Variants in RBFOX1 observed in about 807,000 individuals in gnomAD.
The protein encoded by RBFOX1 is RNA binding protein fox-1 homolog 1.
In RBFOX1, 8 loss-of-function variants were observed where a neutral mutation model predicts 57.7. The observed-to-expected ratio is 0.14, with a 90% CI of 0.08 to 0.25. The LOEUF (loss-of-function observed/expected upper bound fraction) is 0.25, where lower values mean the gene tolerates loss of function less well. Ranked by LOEUF, RBFOX1 falls within the 10% of genes least tolerant of loss-of-function variation. The probability of loss-of-function intolerance (pLI) is 1.00; values close to 1 mark genes in which losing one functional copy is unlikely to be tolerated. For missense variants in RBFOX1, 611 were observed against 548.5 expected (o/e 1.11, Z -1.14); for synonymous variants, 326 against 222.4 (o/e 1.47, Z -4.15).
intron 4 of RBFOX1, among the ~76,000 whole-genome samples, chr16:7,457,968 C>A (rs2058847750): frequency 6.6e-6 from 1 of 152,144 alleles, no homozygotes; most frequent in African/African-American, 2.4e-5. Flanking sequence ...CATGCTGTTT[C>A]CTGAAAGGCT....
intron 1 of RBFOX1, among the ~76,000 whole-genome samples, chr16:5,407,392 T>G (rs1307181804): frequency 2.0e-5 from 3 of 151,992 alleles, no homozygotes; most frequent in African/African-American, 7.3e-5. Flanking sequence ...ATGGAGGGGC[T>G]GTGTTCTAGG....
intron 3 of RBFOX1, among the ~76,000 whole-genome samples, chr16:6,989,539 C>G (rs1467267154): frequency 6.6e-6 from 1 of 152,064 alleles, no homozygotes; most frequent in African/African-American, 2.4e-5. Context: ...TCAATTTATA[C>G]GTAGTACCAG....
intron 4 of RBFOX1, among the ~76,000 whole-genome samples, chr16:7,076,422 G>A (rs2058311289): frequency 6.6e-6 from 1 of 151,904 alleles, no homozygotes; most frequent in Non-Finnish European, 1.5e-5. Context: ...AGACCAAGAA[G>A]AGTCCCATGC....
intron 5 of RBFOX1, among the ~76,000 whole-genome samples, chr16:7,555,854 T>C (rs977227450): frequency 1.2e-4 from 19 of 152,178 alleles, no homozygotes; most frequent in Admixed American, 1.0e-3. Flanking sequence ...AGTATTTATC[T>C]CATGGTGCCT....
chr16:6,606,493 G>C (rs1334000949), intron 2 of RBFOX1, among the ~76,000 whole-genome samples: 2 of 152,100 alleles, frequency 1.3e-5, no homozygotes, highest in Non-Finnish European at 2.9e-5. Context: ...ATACGCATTA[G>C]CTGTTTATCC....
intron 3 of RBFOX1, among the ~76,000 whole-genome samples, chr16:6,871,598 CCTT>C (rs1374032268): frequency 3.9e-5 from 6 of 152,048 alleles, no homozygotes; most frequent in Admixed American, 6.6e-5. Context: ...TCTCCATTCT[CCTT>C]CTATTCTCCT....
At chr16:6,012,072 C>T (rs911873886) in intron 4 of RBFOX1, among the ~76,000 whole-genome samples, 3 of 152,214 alleles carry the variant, frequency 2.0e-5, no homozygotes, top group Non-Finnish European at 4.4e-5. Flanking sequence ...TGAGAAATTT[C>T]TCGTGGATTC....
chr16:7,659,313 C>G (rs1424613427), intron 12 of RBFOX1, among the ~76,000 whole-genome samples: 1 of 152,218 alleles, frequency 6.6e-6, no homozygotes, highest in Non-Finnish European at 1.5e-5. Context: ...AAGTCTCCAA[C>G]AACAGTCTCT....
chr16:6,087,767 C>T (rs1162491768), intron 1 of RBFOX1, among the ~76,000 whole-genome samples: 1 of 152,024 alleles, frequency 6.6e-6, no homozygotes, highest in African/African-American at 2.4e-5. Flanking sequence ...ATTCTCCTGC[C>T]TCAGCCTCCC....
intron 3 of RBFOX1, among the ~76,000 whole-genome samples, chr16:5,636,267 A>G (rs1345851002): frequency 2.6e-5 from 4 of 152,162 alleles, no homozygotes; most frequent in Non-Finnish European, 5.9e-5. Flanking sequence ...AGAATCATTT[A>G]AACCCGGGAG....
At chr16:5,404,640 C>A (rs947358963) in intron 1 of RBFOX1, among the ~76,000 whole-genome samples, 1 of 152,166 alleles carries the variant, frequency 6.6e-6, no homozygotes, top group African/African-American at 2.4e-5. Flanking sequence ...CATCACAGAG[C>A]CCTGAACCCC....
chr16:5,354,114 C>T (rs551670821), intron 1 of RBFOX1, among the ~76,000 whole-genome samples: 38 of 152,322 alleles, frequency 2.5e-4, no homozygotes, highest in Middle Eastern at 3.4e-3. Context: ...GGATCCCCTC[C>T]TCCATCTGAG....
intron 1 of RBFOX1, among the ~76,000 whole-genome samples, chr16:5,348,028 C>A (rs1338986517): frequency 1.3e-5 from 2 of 149,468 alleles, no homozygotes; most frequent in Non-Finnish European, 3.0e-5. Context: ...CCCACCTACC[C>A]ACCCATCAAC....
intron 4 of RBFOX1, among the ~76,000 whole-genome samples, chr16:7,089,121 T>C (rs1016596416): frequency 2.0e-4 from 31 of 152,342 alleles, no homozygotes; most frequent in African/African-American, 7.0e-4. Flanking sequence ...GTAGCGACTT[T>C]AGCTCCATTT....
intron 3 of RBFOX1, among the ~76,000 whole-genome samples, chr16:5,711,393 T>C (rs925386255): frequency 6.6e-6 from 1 of 152,220 alleles, no homozygotes; most frequent in African/African-American, 2.4e-5. Context: ...ATTTCAGAGT[T>C]CATGTCCTTA....
At chr16:6,963,992 C>G (rs985093070) in intron 3 of RBFOX1, among the ~76,000 whole-genome samples, 1 of 151,372 alleles carries the variant, frequency 6.6e-6, no homozygotes. Flanking sequence ...GCCACTGCGC[C>G]CAGCCCCGGA....
At chr16:7,240,875 T>C (rs1045144656) in intron 4 of RBFOX1, among the ~76,000 whole-genome samples, 4 of 152,196 alleles carry the variant, frequency 2.6e-5, no homozygotes, top group Non-Finnish European at 4.4e-5. Context: ...TGGCAAAATA[T>C]TGTTTTTTGA....
intron 4 of RBFOX1, among the ~76,000 whole-genome samples, chr16:7,216,404 C>G (rs1297132692): frequency 6.6e-6 from 1 of 152,154 alleles, no homozygotes; most frequent in Non-Finnish European, 1.5e-5. Context: ...CCTGTAATCC[C>G]AGCACTTTGG....
chr16:7,221,641 A>T (rs923844353), intron 4 of RBFOX1, among the ~76,000 whole-genome samples: 9 of 152,338 alleles, frequency 5.9e-5, no homozygotes, highest in Admixed American at 1.3e-4. Flanking sequence ...TACTGGGATT[A>T]CAGGCGTGAG....
Sources: gnomAD v4.1 joint callset for allele counts (sites outside exome capture counted in the v4.1 genomes callset) on GRCh38, gnomAD v4.1.1 for gene constraint, MANE v1.5 for transcripts, NCBI Gene and HGNC (gene_info 2026-07-23, HGNC 2026-07-21) for gene names.